UBA3: variants seen among roughly 807,000 people sequenced by gnomAD.
UBA3 encodes the protein NEDD8-activating enzyme E1 catalytic subunit.
UBA3 carries 26 observed loss-of-function variants against 73.5 expected under a neutral mutation model. That is an observed-to-expected ratio of 0.35 (90% CI 0.26 to 0.49). The LOEUF is 0.49. Ranked by LOEUF, UBA3 falls within the 20% of genes least tolerant of loss-of-function variation. The probability of loss-of-function intolerance (pLI) is 0.98; values close to 1 mark genes in which losing one functional copy is unlikely to be tolerated. For synonymous variants in UBA3, 217 were observed against 191.2 expected (o/e 1.13, Z -1.11); for missense variants, 495 against 555.6 (o/e 0.89, Z 1.10).
chr3:69,071,641 T>G, intron 4 of UBA3, 24 bp from the exon 5 acceptor site: 1 of 1,434,046 alleles, frequency 7.0e-7, no homozygotes, highest in Non-Finnish European at 9.4e-7. Context: ...AACAATCCAA[T>G]TAAGCAGAAG....
intron 3 of UBA3, among the ~76,000 whole-genome samples, chr3:69,076,208 T>C (rs375352496): frequency 2.4e-4 from 36 of 152,292 alleles, no homozygotes; most frequent in African/African-American, 8.7e-4. Context: ...GATCAAGCAC[T>C]GCCCAAAGTG....
At chr3:69,062,583 T>G (rs894006668) in intron 9 of UBA3, among the ~76,000 whole-genome samples, 1 of 152,216 alleles carries the variant, frequency 6.6e-6, no homozygotes, top group African/African-American at 2.4e-5. Flanking sequence ...ATTCAAAATT[T>G]CAAGTGTTCT....
intron 11 of UBA3, among the ~76,000 whole-genome samples, chr3:69,060,205 T>C (rs188658513): frequency 6.6e-6 from 1 of 152,152 alleles, no homozygotes; most frequent in East Asian, 1.9e-4. Flanking sequence ...ACCAGGTAAG[T>C]TGGCAGAATA....
chr3:69,059,681 A>G (rs2092006007), intron 11 of UBA3, among the ~76,000 whole-genome samples: 3 of 151,986 alleles, frequency 2.0e-5, no homozygotes, highest in African/African-American at 7.3e-5. Flanking sequence ...GAGTAAGTAT[A>G]AATGGAATTT....
chr3:69,063,191 A>C, intron 8 of UBA3, 54 bp from the exon 9 acceptor site: 2 of 1,599,288 alleles, frequency 1.3e-6, no homozygotes, highest in Non-Finnish European at 8.5e-7. Context: ...AATTCAAAAG[A>C]AGAAGTATGC....
Position 69,056,823 on chromosome 3 carries a change from G to A in UBA3, c.965-8C>T. On this transcript the variant is annotated splice_region_variant and splice_polypyrimidine_tract_variant and intron_variant, in intron 12 of 17. Transcript: ENST00000361055. Reference sequence around the variant, plus strand: ...CCTCAGTGGCACACACAGCTGAAGGGAGGAGAAAATACAGGTGCTTTAACT... The same window carrying A: ...CCTCAGTGGCACACACAGCTGAAGGAAGGAGAAAATACAGGTGCTTTAACT... 6.2e-7 allele frequency: 1 copy of A among 1,610,872 alleles called. No individual in the cohort carries two copies. Among genetic ancestry groups the A allele is most frequent in the Non-Finnish European group, 8.5e-7 (1 of 1,179,062 alleles).
chr3:69,077,650 A>T, intron 3 of UBA3, 148 bp downstream of exon 3: 1 of 807,534 alleles, frequency 1.2e-6, no homozygotes, highest in Non-Finnish European at 1.8e-6. Context: ...AGTTGTGAAT[A>T]TTCAATCTCA....
chr3:69,078,919 C>T (rs1267858070), intron 2 of UBA3, among the ~76,000 whole-genome samples: 1 of 152,184 alleles, frequency 6.6e-6, no homozygotes, highest in Non-Finnish European at 1.5e-5. Flanking sequence ...GACTCCTCTA[C>T]AAAATTCATC....
intron 6 of UBA3, among the ~76,000 whole-genome samples, chr3:69,064,606 A>AT (rs568162669): frequency 8.3e-4 from 126 of 152,184 alleles, no homozygotes; most frequent in African/African-American, 2.9e-3. Flanking sequence ...TACTGTTTTT[A>AT]TTTTTTGTGG....
At chr3:69,070,866 G>T (rs1175411025) in intron 5 of UBA3, among the ~76,000 whole-genome samples, 1 of 152,054 alleles carries the variant, frequency 6.6e-6, no homozygotes, top group East Asian at 1.9e-4. Context: ...GGCTGGTCTG[G>T]ATCTCCTGGG....
chr3:69,056,215 C>A lies in UBA3; in HGVS notation c.1152G>T (p.Glu384Asp). 1 of 1,600,738 alleles carries A rather than the reference C, an allele frequency of 6.2e-7. No individual in the cohort carries two copies. The highest frequency in any genetic ancestry group is 8.5e-7 in the Non-Finnish European group (1 of 1,176,348). The change falls in exon 15 of 18, where the codon GAG (glutamate) becomes GAT (aspartate). Residue 384 changes from glutamate to aspartate, a missense_variant. Coordinates refer to ENST00000361055, the MANE Select transcript of UBA3 (RefSeq NM_003968.4). The stretch of plus-strand genomic sequence containing the variant: ...CACTATTGGTTAGATAATCCAAAAC[C>A]TCCTGTAGTTTAGCTGATGGAGAAA... ...IQFSPSAKLQ[E>D]VLDYLTNSAS...
At chr3:69,058,187 C>G (rs2091992660) in intron 11 of UBA3, among the ~76,000 whole-genome samples, 1 of 152,134 alleles carries the variant, frequency 6.6e-6, no homozygotes, top group Non-Finnish European at 1.5e-5. Flanking sequence ...GCCCTGGCCT[C>G]CCAAAGTGCT....
chr3:69,078,051 GA>G, intron 2 of UBA3, 133 bp from the exon 3 acceptor site: 9 of 1,190,968 alleles, frequency 7.6e-6, no homozygotes, highest in Non-Finnish European at 1.1e-6. Context: ...TATTCAATGT[GA>G]TTATGTTTAT....
rs986287287 is a variant in UBA3 at position 69,055,169 on chromosome 3, T to C, written c.*268A>G. ...AACAAAATTCACACAAAAGAGGTTG[T>C]ATGCTTCCTCCTCTAAAAGAAGCAA... On this transcript the variant is annotated 3_prime_UTR_variant, in exon 18 of 18. Coordinates refer to ENST00000361055, the MANE Select transcript of UBA3 (RefSeq NM_003968.4). 1 of 249,120 alleles carries C rather than the reference T, an allele frequency of 4.0e-6. No homozygotes were observed. The allele number at this position is 249,120 out of a possible 1,614,324, so 15.4% of individuals were successfully genotyped here. A position where few individuals can be genotyped will look rare whatever the true frequency, so the allele number is the denominator to read the frequency against.
In UBA3 at chr3:69,055,594, C is replaced by A. The variant is rs1347316835; in HGVS notation, c.1304-69G>T. 3.3e-6 allele frequency: 4 copies of A among 1,201,028 alleles called. No individual in the cohort carries two copies. The East Asian group carries it at 7.4e-5, about 22-fold the overall frequency. The allele number at this position is 1,201,028 out of a possible 1,614,324, so 74.4% of individuals were successfully genotyped here. ...ACAGAAAGGATAATACACATGTAAA[C>A]AAACTACAGAGTATTACGGTCTAGA... On this transcript the variant is annotated intron_variant, in intron 17 of 17. Transcript: ENST00000361055.
chr3:69,055,661 G>T (rs1217680562), intron 17 of UBA3, 136 bp from the exon 18 acceptor site: 4 of 883,500 alleles, frequency 4.5e-6, no homozygotes, highest in South Asian at 1.7e-5. Context: ...AGTAATATTT[G>T]ATTTCTTAGA....
rs576725064 is a variant in UBA3, at chr3:69,061,976, C to T, written c.797-49G>A. ...GAGAGAGAGAGAGAAGACAGGAATA[C>T]GTAATCACAAAACAATGTTTTTAAT... On this transcript the variant is annotated intron_variant, in intron 10 of 17. Transcript: ENST00000361055. 8.3e-4 allele frequency: 1,191 copies of T among 1,433,944 alleles called. 14 individuals are homozygous for T. In the South Asian group the frequency reaches 0.014, roughly 17 times the overall value. The allele number at this position is 1,433,944 out of a possible 1,614,324, so 88.8% of individuals were successfully genotyped here.
intron 11 of UBA3, among the ~76,000 whole-genome samples, chr3:69,058,439 C>G (rs796976511): frequency 1.8e-4 from 27 of 152,232 alleles, no homozygotes; most frequent in African/African-American, 6.5e-4. Flanking sequence ...TAAGGAAAAA[C>G]AGCAAGTAGC....
At chr3:69,056,431 T>C (rs1000993958) in intron 14 of UBA3, 148 bp from the exon 15 acceptor site, 16 of 857,622 alleles carry the variant, frequency 1.9e-5, no homozygotes, top group East Asian at 2.7e-5. Context: ...CTTTTCATAA[T>C]AGACCATTTC....
Sources: gnomAD v4.1 joint callset for allele counts (sites outside exome capture counted in the v4.1 genomes callset) on GRCh38, gnomAD v4.1.1 for gene constraint, MANE v1.5 for transcripts, NCBI Gene and HGNC (gene_info 2026-07-23, HGNC 2026-07-21) for gene names.